The following CDYL variants were observed in gnomAD, a reference collection of about 807,000 sequenced individuals.
The protein encoded by CDYL is chromodomain Y like.
In CDYL, 8 loss-of-function variants were observed where a neutral mutation model predicts 47.3. The observed-to-expected ratio is 0.17, with a 90% CI of 0.10 to 0.31. The LOEUF (loss-of-function observed/expected upper bound fraction) is 0.31. CDYL is among the 10% of genes least tolerant of loss of function. The probability of loss-of-function intolerance (pLI) is 1.00; values close to 1 mark genes in which losing one functional copy is unlikely to be tolerated. For synonymous variants in CDYL, 266 were observed against 265.0 expected (o/e 1.00, Z -0.04); for missense variants, 471 against 701.4 (o/e 0.67, Z 3.71).
chr6:4,809,045 C>T (rs1211578051), intron 1 of CDYL, among the ~76,000 whole-genome samples: 2 of 152,142 alleles, frequency 1.3e-5, no homozygotes, highest in African/African-American at 4.8e-5. Flanking sequence ...CCATTCTGTA[C>T]GCCCTCCACT....
chr6:4,745,552 G>A (rs1240404433), intron 3 of CDYL, among the ~76,000 whole-genome samples: 11 of 150,958 alleles, frequency 7.3e-5, no homozygotes, highest in African/African-American at 1.7e-4. Flanking sequence ...GACCAGCCTG[G>A]CCAACATAGT....
intron 3 of CDYL, among the ~76,000 whole-genome samples, chr6:4,756,968 A>G (rs1446568043): frequency 6.6e-6 from 1 of 152,228 alleles, no homozygotes; most frequent in Non-Finnish European, 1.5e-5. Flanking sequence ...ACTGAAAAGC[A>G]AAACTATTGT....
chr6:4,846,915 A>T (rs1240152290), intron 1 of CDYL, among the ~76,000 whole-genome samples: 1 of 152,122 alleles, frequency 6.6e-6, no homozygotes, highest in African/African-American at 2.4e-5. Flanking sequence ...GGATAGTTCT[A>T]CTCTTTCCTT....
At chr6:4,867,101 CT>C (rs1173126428) in intron 1 of CDYL, among the ~76,000 whole-genome samples, 3 of 152,166 alleles carry the variant, frequency 2.0e-5, no homozygotes, top group Non-Finnish European at 2.9e-5. Context: ...TCACAGATAT[CT>C]TTTTTTGTTC....
intron 2 of CDYL, among the ~76,000 whole-genome samples, chr6:4,731,570 G>A (rs1757605796): frequency 1.3e-5 from 2 of 152,122 alleles, no homozygotes; most frequent in South Asian, 4.1e-4. Flanking sequence ...GCTGAGGTAG[G>A]CAGATCACTT....
intron 2 of CDYL, among the ~76,000 whole-genome samples, chr6:4,725,599 G>T (rs1041636780): frequency 2.6e-5 from 4 of 152,222 alleles, no homozygotes; most frequent in Admixed American, 2.6e-4. Context: ...GGGCTTGCGG[G>T]CGGACCTGCC....
chr6:4,712,985 A>C (rs1443013021), intron 1 of CDYL, among the ~76,000 whole-genome samples: 1 of 152,200 alleles, frequency 6.6e-6, no homozygotes, highest in Non-Finnish European at 1.5e-5. Flanking sequence ...TCTCTACAAA[A>C]CATACAAAAA....
intron 1 of CDYL, among the ~76,000 whole-genome samples, chr6:4,794,234 G>T (rs1398850225): frequency 6.6e-6 from 1 of 152,118 alleles, no homozygotes; most frequent in Non-Finnish European, 1.5e-5. Context: ...GAGAAGAGAC[G>T]TGGCCAGAGG....
At chr6:4,720,164 G>A (rs545582494) in intron 2 of CDYL, among the ~76,000 whole-genome samples, 154 of 152,270 alleles carry the variant, frequency 1.0e-3, no homozygotes, top group African/African-American at 3.0e-3. Flanking sequence ...ACATTTCTCT[G>A]AAGGAAAAAA....
chr6:4,952,515 T>G, intron 6 of CDYL, 106 bp downstream of exon 6: 1 of 1,252,304 alleles, frequency 8.0e-7, no homozygotes, highest in Non-Finnish European at 1.1e-6. Context: ...ACGTTTGTCC[T>G]CAACAGAGCA....
chr6:4,746,099 C>T (rs1256780379), intron 3 of CDYL, among the ~76,000 whole-genome samples: 1 of 151,946 alleles, frequency 6.6e-6, no homozygotes, highest in Non-Finnish European at 1.5e-5. Context: ...GGCGCGGTGG[C>T]TCACCCCTGT....
rs191843175 is a variant in CDYL, at chr6:4,824,382, C to T, written c.24+47575C>T. ...ACATTTCCACTAGCAGCGCTCGGCT[C>T]GGCAGCACTTATTTTCCATTTTTAA... On this transcript the variant is annotated intron_variant, in intron 1 of 6. Transcript: ENST00000397588. 2.2e-3 allele frequency among the ~76,000 whole-genome samples: 327 copies of T among 151,228 alleles called. 6 individuals are homozygous for T. The highest frequency in any genetic ancestry group is 0.018 in the East Asian group (92 of 5,184).
intron 1 of CDYL, among the ~76,000 whole-genome samples, chr6:4,857,572 G>A (rs1257359660): frequency 6.6e-6 from 1 of 152,134 alleles, no homozygotes; most frequent in East Asian, 1.9e-4. Flanking sequence ...TTCAGAACAG[G>A]TAGATCGTTG....
At chr6:4,766,228 A>T (rs903491046) in intron 3 of CDYL, among the ~76,000 whole-genome samples, 7 of 152,068 alleles carry the variant, frequency 4.6e-5, no homozygotes, top group Admixed American at 2.6e-4. Context: ...TTTCCTTTTG[A>T]GATGGAGTTT....
chr6:4,864,669 T>TGG (rs1761269557), intron 1 of CDYL, among the ~76,000 whole-genome samples: 1 of 152,132 alleles, frequency 6.6e-6, no homozygotes, highest in African/African-American at 2.4e-5. Context: ...CAAGATCTGA[T>TGG]GGGTTTATCA....
At chr6:4,708,544 T>C (rs1318897632) in intron 1 of CDYL, among the ~76,000 whole-genome samples, 1 of 152,228 alleles carries the variant, frequency 6.6e-6, no homozygotes, top group African/African-American at 2.4e-5. Flanking sequence ...ATTTTTTCTA[T>C]GTATCTGATA....
At chr6:4,868,038 A>G (rs1489616635) in intron 1 of CDYL, among the ~76,000 whole-genome samples, 5 of 151,808 alleles carry the variant, frequency 3.3e-5, no homozygotes, top group African/African-American at 1.2e-4. Flanking sequence ...AGAGTTTATC[A>G]GTTTTGTTGA....
intron 2 of CDYL, among the ~76,000 whole-genome samples, chr6:4,920,925 C>A (rs573841142): frequency 6.6e-6 from 1 of 152,116 alleles, no homozygotes; most frequent in African/African-American, 2.4e-5. Flanking sequence ...CAAATTTGTT[C>A]AGTTTTAAAT....
At chr6:4,820,403 T>C (rs1482298562) in intron 1 of CDYL, among the ~76,000 whole-genome samples, 1 of 152,142 alleles carries the variant, frequency 6.6e-6, no homozygotes, top group East Asian at 1.9e-4. Context: ...GTTTTACATA[T>C]CAGGTTCAAC....
Sources: allele counts gnomAD v4.1 joint callset (sites outside exome capture counted in the v4.1 genomes callset), GRCh38; gene constraint gnomAD v4.1.1; transcripts MANE v1.5; gene names NCBI Gene and HGNC (gene_info 2026-07-23, HGNC 2026-07-21).